The following TRAPPC11 variants were observed in gnomAD, a reference collection of about 807,000 sequenced individuals.
The protein encoded by TRAPPC11 is trafficking protein particle complex subunit 11.
TRAPPC11 carries 104 observed loss-of-function variants against 151.2 expected under a neutral mutation model. That is an observed-to-expected ratio of 0.69 (90% confidence interval 0.59 to 0.81). The LOEUF (loss-of-function observed/expected upper bound fraction) is 0.81, where lower values mean the gene tolerates loss of function less well. Ranked by LOEUF, TRAPPC11 falls within the 30% of genes least tolerant of loss-of-function variation. The pLI is 0.00. For synonymous variants in TRAPPC11, 456 were observed against 472.3 expected, an observed-to-expected ratio of 0.97 and a Z score of 0.45; for missense variants, 1,230 against 1,349.6, an observed-to-expected ratio of 0.91 and a Z score of 1.39.
intron 27 of TRAPPC11, 70 bp downstream of exon 27, chr4:183,705,140 T>C: frequency 8.9e-7 from 1 of 1,119,750 alleles, no homozygotes; most frequent in Non-Finnish European, 1.3e-6. Flanking sequence ...TCTAAGAGTT[T>C]AGTTATTTTA....
At position 183,661,361 on chromosome 4, in the gene TRAPPC11, C is replaced by CTTTT. The variant is rs139201416; in HGVS notation, c.-22+1936_-22+1939dup. Among the ~76,000 whole-genome samples the CTTTT allele has an allele frequency of 2.4e-3, 188 of 79,438 alleles. 1 individual carries two copies. The highest frequency in any genetic ancestry group is 0.012 in the Middle Eastern group (1 of 82). 52.1% of individuals were successfully genotyped at this position (79,438 alleles called of 152,430 possible). A position where few individuals can be genotyped will look rare whatever the true frequency, so the allele number is the denominator to read the frequency against. On this transcript the variant is annotated intron_variant, in intron 1 of 29. Transcript: ENST00000334690. ...ATACTGGTATACTGGTGTAGATTAC[C>CTTTT]TTTTTTTTTTTTTTTTTTTTTTTTT...
intron 18 of TRAPPC11, among the ~76,000 whole-genome samples, chr4:183,690,233 AAAAGT>A (rs995590973): frequency 1.6e-4 from 25 of 151,966 alleles, no homozygotes; most frequent in African/African-American, 6.0e-4. Flanking sequence ...TAAGAAAAAA[AAAAGT>A]AGAGTAGTTT....
At chr4:183,667,781 G>A (rs1481162227) in intron 4 of TRAPPC11, among the ~76,000 whole-genome samples, 1 of 152,128 alleles carries the variant, frequency 6.6e-6, no homozygotes, top group East Asian at 1.9e-4. Flanking sequence ...ACCTATCCTG[G>A]CTCAGTAGAA....
At chr4:183,670,832 CTGGA>C (rs1735117584) in intron 5 of TRAPPC11, among the ~76,000 whole-genome samples, 3 of 152,108 alleles carry the variant, frequency 2.0e-5, no homozygotes, top group Admixed American at 2.0e-4. Context: ...GTCGCCCAGG[CTGGA>C]GTGCAGTGGC....
chr4:183,680,826 G>A (rs1353689258), intron 10 of TRAPPC11, among the ~76,000 whole-genome samples: 3 of 151,716 alleles, frequency 2.0e-5, no homozygotes, highest in African/African-American at 7.3e-5. Context: ...CTGAGTAGCT[G>A]GGATTACAGG....
At chr4:183,711,046 C>A (rs1737317796) in intron 29 of TRAPPC11, among the ~76,000 whole-genome samples, 1 of 151,836 alleles carries the variant, frequency 6.6e-6, no homozygotes, top group Non-Finnish European at 1.5e-5. Context: ...AAAAAAATTG[C>A]CATTCTACAG....
chr4:183,673,970 G>A (rs961141801), intron 5 of TRAPPC11, among the ~76,000 whole-genome samples: 1 of 152,102 alleles, frequency 6.6e-6, no homozygotes, highest in Non-Finnish European at 1.5e-5. Flanking sequence ...CTCATTTTTG[G>A]TTCTTTCCCC....
chr4:183,693,988 C>G lies in TRAPPC11; in HGVS notation c.2458C>G (p.Pro820Ala). The G allele has an allele frequency of 6.2e-7, 1 of 1,614,034 alleles. No individual in the cohort carries two copies. The highest frequency in any genetic ancestry group is 8.5e-7 in the Non-Finnish European group (1 of 1,179,934). ...AACAGAACTGTGTGATGAATCCTAC[C>G]CGGCTTTACTCACTGACATTCCTGT... is the stretch of plus-strand genomic sequence containing the variant. ...HGTELCDESY[P>A]ALLTDIPVGD... The change falls in exon 22 of 30, where the codon CCG becomes GCG. Residue 820 changes from proline to alanine, a missense_variant. Physicochemically the swap from Pro to Ala is conservative, Grantham distance 27. Transcript: ENST00000334690.
chr4:183,691,036 T>C (rs1286529541), intron 18 of TRAPPC11, among the ~76,000 whole-genome samples: 1 of 152,056 alleles, frequency 6.6e-6, no homozygotes, highest in Non-Finnish European at 1.5e-5. Flanking sequence ...GAAAAGGAGG[T>C]GATAAACAGT....
intron 4 of TRAPPC11, 137 bp downstream of exon 4, chr4:183,667,267 C>A: frequency 3.3e-6 from 2 of 607,830 alleles, no homozygotes; most frequent in Admixed American, 2.7e-5. Context: ...TAAAAAGCAC[C>A]AATGATACAT....
chr4:183,706,689 A>C, intron 27 of TRAPPC11, 118 bp from the exon 28 acceptor site: 1 of 1,109,128 alleles, frequency 9.0e-7, no homozygotes, highest in Non-Finnish European at 1.3e-6. Context: ...GCAAGAGTAC[A>C]GTAACGTCAT....
At chr4:183,661,361 C>CTTTTTTTTTTTTTTT (rs139201416) in intron 1 of TRAPPC11, among the ~76,000 whole-genome samples, 1 of 79,392 alleles carries the variant, frequency 1.3e-5, no homozygotes, top group Non-Finnish European at 2.2e-5. Context: ...TGTAGATTAC[C>CTTTTTTTTTTTTTTT]TTTTTTTTTT....
chr4:183,688,314 A>C (rs1736089828), intron 18 of TRAPPC11, among the ~76,000 whole-genome samples: 1 of 152,168 alleles, frequency 6.6e-6, no homozygotes, highest in Non-Finnish European at 1.5e-5. Flanking sequence ...GATAGGTCGA[A>C]AAGATGGAGG....
chr4:183,665,929 CTTTTT>C (rs11462767), intron 2 of TRAPPC11, among the ~76,000 whole-genome samples: 4 of 137,888 alleles, frequency 2.9e-5, no homozygotes, highest in Non-Finnish European at 6.2e-5. Context: ...AAATGGGCTA[CTTTTT>C]TTTTTTTTTT....
intron 8 of TRAPPC11, among the ~76,000 whole-genome samples, chr4:183,678,031 T>C (rs554517718): frequency 6.6e-6 from 1 of 150,502 alleles, no homozygotes; most frequent in South Asian, 2.1e-4. Flanking sequence ...CTCTGCCTCC[T>C]GGGTTCAAGC....
rs2111067008 is a variant in TRAPPC11 at position 183,693,631 on chromosome 4, T to C, written c.2280T>C (p.His760=). The change falls in exon 21 of 30, where the codon CAT becomes CAC. Residue 760 remains histidine, a synonymous_variant. Coordinates refer to ENST00000334690, the MANE Select transcript of TRAPPC11 (RefSeq NM_021942.6). ...RVPNISVHLL[H]EPPALTNEMY... ...CAAACATTTCTGTACATCTGCTACA[T>C]GAACCCCCTGCACTGACTAATGAAA... is the stretch of plus-strand genomic sequence containing the variant. 6.2e-7 allele frequency: 1 copy of C among 1,614,042 alleles called. No homozygotes were observed. The highest frequency in any genetic ancestry group is 1.1e-5 in the South Asian group (1 of 91,012).
intron 26 of TRAPPC11, 149 bp downstream of exon 26, chr4:183,701,957 A>T: frequency 1.6e-6 from 1 of 641,096 alleles, no homozygotes; most frequent in South Asian, 1.9e-5. Flanking sequence ...GAAAAAGATA[A>T]TTAAAGCTGA....
chr4:183,672,426 A>G (rs1421862284), intron 5 of TRAPPC11, among the ~76,000 whole-genome samples: 1 of 152,196 alleles, frequency 6.6e-6, no homozygotes, highest in Non-Finnish European at 1.5e-5. Context: ...TGTTGCCTTA[A>G]AAGTGTAATG....
In TRAPPC11 at chr4:183,673,518, A is replaced by G. The variant is rs534417172; in HGVS notation, c.561-1195A>G. On this transcript the variant is annotated intron_variant, in intron 5 of 29. Coordinates refer to ENST00000334690, the MANE Select transcript of TRAPPC11 (RefSeq NM_021942.6). Reference sequence around the variant, plus strand: ...GTGAAACCCCGTCTCTACAAAAAATATAAAAATTAGCTGGGCGTGGTCATG... The same window carrying G: ...GTGAAACCCCGTCTCTACAAAAAATGTAAAAATTAGCTGGGCGTGGTCATG... Among the ~76,000 whole-genome samples, 6 of 152,126 alleles carry G rather than the reference A, an allele frequency of 3.9e-5. No individual in the cohort carries two copies. The South Asian group carries it at 6.2e-4, about 16-fold the overall frequency.
Sources: allele counts gnomAD v4.1 joint callset (sites outside exome capture counted in the v4.1 genomes callset), GRCh38; gene constraint gnomAD v4.1.1; transcripts MANE v1.5; gene names NCBI Gene and HGNC (gene_info 2026-07-23, HGNC 2026-07-21).